Variants in BMF observed in about 807,000 individuals in gnomAD.
The protein encoded by BMF is bcl-2-modifying factor.
In BMF, 10 loss-of-function variants were observed where a neutral mutation model predicts 22.0. The observed-to-expected ratio is 0.45, with a 90% CI of 0.28 to 0.77. BMF has a LOEUF of 0.77. BMF is among the 30% of genes least tolerant of loss of function. The pLI is 0.13. For missense variants in BMF, 206 were observed against 226.8 expected (o/e 0.91, Z 0.59); for synonymous variants, 87 against 88.1 (o/e 0.99, Z 0.07).
rs761346715 is a variant in BMF at position 40,104,350 on chromosome 15, T to TA, written c.293-11dup. ...CGATAGCCAGCATTGCCTGCAAAGATAGAGGATCCACATCTCAGCATTCTC... is the reference window on the plus strand; with the variant it reads ...CGATAGCCAGCATTGCCTGCAAAGATAAGAGGATCCACATCTCAGCATTCTC... On this transcript the variant is annotated splice_polypyrimidine_tract_variant and intron_variant, in intron 3 of 4. Coordinates refer to ENST00000354670, the MANE Select transcript of BMF (RefSeq NM_001003940.2). The TA allele has an allele frequency of 1.1e-5, 18 of 1,613,682 alleles. No individual in the cohort carries two copies. In the South Asian group the frequency reaches 1.9e-4, roughly 17 times the overall value.
chr15:40,095,834 G>A (rs553976537), intron 4 of BMF, among the ~76,000 whole-genome samples: 14 of 152,338 alleles, frequency 9.2e-5, no homozygotes, highest in East Asian at 1.9e-4. Flanking sequence ...AGCCCCATGC[G>A]GCTTCTTTGG....
At chr15:40,096,704 T>C (rs1000346497) in intron 4 of BMF, among the ~76,000 whole-genome samples, 4 of 152,200 alleles carry the variant, frequency 2.6e-5, no homozygotes, top group Non-Finnish European at 5.9e-5. Context: ...TTTATTGACA[T>C]TATGAAAATA....
chr15:40,092,336 T>C (rs192793625), intron 4 of BMF, among the ~76,000 whole-genome samples: 297 of 152,180 alleles, frequency 2.0e-3, no homozygotes, highest in African/African-American at 6.9e-3. Flanking sequence ...AGGGGGGGCC[T>C]CCATCTGCAA....
Position 40,108,863 on chromosome 15 carries a change from G to A in BMF, c.-224C>T, listed in dbSNP as rs1205708447. 1 of 153,180 alleles carries A rather than the reference G, an allele frequency of 6.5e-6. No homozygotes were observed. The allele number at this position is 153,180 out of a possible 1,614,324, so 9.5% of individuals were successfully genotyped here. A position where few individuals can be genotyped will look rare whatever the true frequency, so the allele number is the denominator to read the frequency against. On this transcript the variant is annotated 5_prime_UTR_variant, in exon 1 of 5. Coordinates refer to ENST00000354670, the MANE Select transcript of BMF (RefSeq NM_001003940.2). ...GGGAGGAGGCCACTCCGCACGGTGC[G>A]GTATTGTTTCCAAAATACGCCTGCT...
rs2036511680 is a variant in BMF, at chr15:40,103,062, A to G, written c.453+1118T>C. On this transcript the variant is annotated intron_variant, in intron 4 of 4. Transcript: ENST00000354670. ...CCTGTTCTTAGGAAAGCCAAGGTCA[A>G]TTCCTCTTCCCCTGGCACTGGTAAT... 2.0e-5 allele frequency among the ~76,000 whole-genome samples: 3 copies of G among 152,218 alleles called. No individual in the cohort carries two copies. The South Asian group carries it at 6.2e-4, about 32-fold the overall frequency.
At chr15:40,097,710 A>G (rs2036394777) in intron 4 of BMF, among the ~76,000 whole-genome samples, 1 of 152,202 alleles carries the variant, frequency 6.6e-6, no homozygotes, top group Non-Finnish European at 1.5e-5. Flanking sequence ...ATATACATGA[A>G]GCACTGGGCC....
intron 4 of BMF, among the ~76,000 whole-genome samples, chr15:40,092,595 G>A (rs546130677): frequency 2.0e-5 from 3 of 152,232 alleles, no homozygotes; most frequent in African/African-American, 7.2e-5. Flanking sequence ...CTACTGACTG[G>A]AGCCAATTAA....
chr15:40,104,938 C>T (rs932026869), intron 3 of BMF, among the ~76,000 whole-genome samples: 2 of 152,184 alleles, frequency 1.3e-5, no homozygotes, highest in African/African-American at 4.8e-5. Flanking sequence ...TCCACACTTA[C>T]CCAGTGCACG....
intron 4 of BMF, among the ~76,000 whole-genome samples, chr15:40,101,547 T>C (rs1567034362): frequency 6.6e-6 from 1 of 152,070 alleles, no homozygotes; most frequent in East Asian, 1.9e-4. Context: ...GGGAAGGGAA[T>C]AGGGAAAGAA....
intron 3 of BMF, among the ~76,000 whole-genome samples, chr15:40,105,042 C>A (rs2036556724): frequency 6.6e-6 from 1 of 152,264 alleles, no homozygotes; most frequent in African/African-American, 2.4e-5. Flanking sequence ...CTCAGACTCC[C>A]GCCAGAACTG....
rs1282085837 is a variant in BMF, at chr15:40,090,018, GCA to G, written c.*1767_*1768del. The G allele has an allele frequency of 3.3e-5, 5 of 152,762 alleles. No homozygotes were observed. The East Asian group carries it at 5.8e-4, about 18-fold the overall frequency. 9.5% of individuals were successfully genotyped at this position (152,762 alleles called of 1,614,324 possible). ...AGCAGAACAAAACAAAGGCTTACAT[GCA>G]CAGTTTGAGGCCCTTCTCCTCCAGG... On this transcript the variant is annotated 3_prime_UTR_variant, in exon 5 of 5. Coordinates refer to ENST00000354670, the MANE Select transcript of BMF (RefSeq NM_001003940.2).
chr15:40,107,388 G>A (rs1195702603), intron 2 of BMF, among the ~76,000 whole-genome samples: 1 of 152,170 alleles, frequency 6.6e-6, no homozygotes, highest in Non-Finnish European at 1.5e-5. Context: ...GCTGTGAGCT[G>A]CTTGCTTGGG....
Position 40,104,308 on chromosome 15 carries a change from T to G in BMF, c.325A>C (p.Ser109Arg). Reference sequence around the variant, plus strand: ...CCAATGGGCAAGACTGCTGGGAAACTGGCAGGGAGAGGAAGCCGATAGCCA... The same window carrying G: ...CCAATGGGCAAGACTGCTGGGAAACGGGCAGGGAGAGGAAGCCGATAGCCA... ...NAGYRLPLPA[S>R]FPAVLPIGEQ... is the part of the protein sequence containing the mutation. The change falls in exon 4 of 5, where the codon AGT becomes CGT. Residue 109 changes from serine (S) to arginine (R), a missense_variant. Coordinates refer to ENST00000354670, the MANE Select transcript of BMF (RefSeq NM_001003940.2). 6.2e-7 allele frequency: 1 copy of G among 1,614,206 alleles called. No homozygotes were observed. The highest frequency in any genetic ancestry group is 1.1e-5 in the South Asian group (1 of 91,082).
intron 4 of BMF, 120 bp downstream of exon 4, chr15:40,104,060 C>T (rs1054301101): frequency 2.1e-4 from 285 of 1,382,436 alleles, no homozygotes; most frequent in Middle Eastern, 1.9e-4. Context: ...ATAACCAAAA[C>T]TCTGGGACAA....
chr15:40,091,873 T>G lies in BMF; in HGVS notation c.469A>C (p.Asn157His). ...AGGAGGATCTGCCACCACACACGAT[T>G]TTGGTTCTGCTGGTGCTGAAGGGAG... ...LHVQQHQQNQNRVWWQILLFL... is the reference protein window; with the variant it reads ...LHVQQHQQNQHRVWWQILLFL... Residue 157 changes from asparagine to histidine, a missense_variant, in exon 5 of 5, where the codon AAT becomes CAT. Asn to His is a moderately conservative substitution (Grantham distance 68). Transcript: ENST00000354670. The G allele has an allele frequency of 6.2e-7, 1 of 1,609,656 alleles. No individual in the cohort carries two copies. The highest frequency in any genetic ancestry group is 1.1e-5 in the South Asian group (1 of 90,196).
Position 40,108,681 on chromosome 15 carries a change from G to A in BMF, c.-134+92C>T, listed in dbSNP as rs1480548707. 3.3e-5 allele frequency: 5 copies of A among 152,638 alleles called. No homozygotes were observed. The South Asian group carries it at 7.9e-4, about 24-fold the overall frequency. The allele number at this position is 152,638 out of a possible 1,614,324, so 9.5% of individuals were successfully genotyped here. ...ACGTCCGCAGCCCAAACCCTTCCCG[G>A]GCCCCCGTGCGCAGCGCGACTCCGC... On this transcript the variant is annotated intron_variant, in intron 1 of 4. Coordinates refer to ENST00000354670, the MANE Select transcript of BMF (RefSeq NM_001003940.2).
intron 4 of BMF, among the ~76,000 whole-genome samples, chr15:40,101,910 C>T (rs1039211498): frequency 1.6e-4 from 24 of 152,124 alleles, no homozygotes; most frequent in Non-Finnish European, 2.4e-4. Context: ...AGCCTCCTAC[C>T]CTTGTAAGTA....
At position 40,096,270 on chromosome 15, in the gene BMF, G is replaced by A. The variant is rs907978257; in HGVS notation, c.454-4382C>T. ...ACAGCCTCTGCCCTAAGCACAAAGC[G>A]TGTTCCCTACGCTCCCTGGATAAGA... is the stretch of plus-strand genomic sequence containing the variant. On this transcript the variant is annotated intron_variant, in intron 4 of 4. Coordinates refer to ENST00000354670, the MANE Select transcript of BMF (RefSeq NM_001003940.2). Among the ~76,000 whole-genome samples the A allele has an allele frequency of 2.0e-4, 30 of 149,542 alleles. No individual in the cohort carries two copies. In the Admixed American group the frequency reaches 2.0e-3, roughly 10 times the overall value.
At position 40,091,769 on chromosome 15, in the gene BMF, G is replaced by A; in HGVS notation, c.*18C>T. 2 of 1,582,094 alleles carry A rather than the reference G, an allele frequency of 1.3e-6. No homozygotes were observed. The highest frequency in any genetic ancestry group is 1.7e-6 in the Non-Finnish European group (2 of 1,158,870). On this transcript the variant is annotated 3_prime_UTR_variant, in exon 5 of 5. Transcript: ENST00000354670. ...AGACGGTGTTCCTGGTGCCCCATGT[G>A]AAGAGGGCAGCCCACCCTCACCTAG...
Sources: allele counts gnomAD v4.1 joint callset (sites outside exome capture counted in the v4.1 genomes callset), GRCh38; gene constraint gnomAD v4.1.1; transcripts MANE v1.5; gene names NCBI Gene and HGNC (gene_info 2026-07-23, HGNC 2026-07-21).